GPM6A: variants seen among roughly 807,000 people sequenced by gnomAD.
The protein encoded by GPM6A is glycoprotein M6A.
GPM6A carries 7 observed loss-of-function variants against 32.1 expected under a neutral mutation model. The observed-to-expected ratio is 0.22, with a 90% CI of 0.12 to 0.41. GPM6A has a LOEUF of 0.41. Among genes scored for constraint, GPM6A ranks in the 10% least tolerant of loss-of-function variants. GPM6A has a pLI of 1.00. For synonymous variants in GPM6A, 130 were observed against 123.4 expected (o/e 1.05, Z -0.35); for missense variants, 235 against 347.2 (o/e 0.68, Z 2.57).
rs896643525 is a variant in GPM6A, at chr4:175,771,441, ACT to A, written c.37+40748_37+40749del. ...ACAAAAATTAGCCAGGCATGGTGGCACTCGCCTGTGTCCCAGCTACTGAGGAG... is the reference window on the plus strand; with the variant it reads ...ACAAAAATTAGCCAGGCATGGTGGCACGCCTGTGTCCCAGCTACTGAGGAG... On this transcript the variant is annotated intron_variant, in intron 1 of 6. Coordinates refer to ENST00000393658, the MANE Select transcript of GPM6A (RefSeq NM_201591.3). 4.5e-4 allele frequency among the ~76,000 whole-genome samples: 67 copies of A among 150,458 alleles called. 1 individual carries two copies. The highest frequency in any genetic ancestry group is 1.6e-3 in the African/African-American group (65 of 40,776).
rs552872534 is a variant in GPM6A, at chr4:175,730,192, T to G, written c.38-28425A>C. Among the ~76,000 whole-genome samples, 8 of 152,212 alleles carry G rather than the reference T, an allele frequency of 5.3e-5. No individual in the cohort carries two copies. The South Asian group carries it at 1.4e-3, about 28-fold the overall frequency. ...TTATTTCTCTTCGTAGCCAAACTGC[T>G]TCTAATTGCTGCTTGCATTTTTACA... On this transcript the variant is annotated intron_variant, in intron 1 of 6. Coordinates refer to ENST00000393658, the MANE Select transcript of GPM6A (RefSeq NM_201591.3).
At chr4:175,874,584 T>C (rs1157359773) in intron 1 of GPM6A, among the ~76,000 whole-genome samples, 2 of 152,096 alleles carry the variant, frequency 1.3e-5, no homozygotes, top group Non-Finnish European at 2.9e-5. Context: ...AGACATTTAA[T>C]GGTACCTTAA....
At chr4:176,001,515 C>G (rs1477958341) in intron 1 of GPM6A, among the ~76,000 whole-genome samples, 2 of 152,186 alleles carry the variant, frequency 1.3e-5, no homozygotes, top group Non-Finnish European at 2.9e-5. Flanking sequence ...TCTTCCTCCC[C>G]TCCGCCACAC....
At chr4:175,908,801 A>T (rs991333881) in intron 1 of GPM6A, among the ~76,000 whole-genome samples, 1 of 152,122 alleles carries the variant, frequency 6.6e-6, no homozygotes, top group African/African-American at 2.4e-5. Context: ...CAATTCAAAT[A>T]AATTTGTTAT....
At chr4:175,957,266 A>G (rs990936288) in intron 1 of GPM6A, among the ~76,000 whole-genome samples, 3 of 152,218 alleles carry the variant, frequency 2.0e-5, no homozygotes, top group Non-Finnish European at 4.4e-5. Flanking sequence ...CTGAACAAAA[A>G]TTCTGTGCTT....
chr4:175,819,885 C>T (rs1452745403), intron 1 of GPM6A, among the ~76,000 whole-genome samples: 2 of 147,586 alleles, frequency 1.4e-5, no homozygotes, highest in African/African-American at 5.3e-5. Context: ...GAGAGACACA[C>T]AAAAAAGTTG....
At chr4:175,999,191 TATAC>T (rs2126474114) in intron 1 of GPM6A, among the ~76,000 whole-genome samples, 1 of 152,370 alleles carries the variant, frequency 6.6e-6, no homozygotes, top group African/African-American at 2.4e-5. Flanking sequence ...CTCATAGTGA[TATAC>T]ATGTAGTCAA....
At chr4:175,828,561 C>T (rs1249876176) in intron 1 of GPM6A, among the ~76,000 whole-genome samples, 3 of 152,126 alleles carry the variant, frequency 2.0e-5, no homozygotes, top group South Asian at 2.1e-4. Context: ...ATTACAAATG[C>T]TCTTTAATCC....
At chr4:175,975,488 T>C (rs1379346029) in intron 1 of GPM6A, among the ~76,000 whole-genome samples, 2 of 152,194 alleles carry the variant, frequency 1.3e-5, no homozygotes, top group South Asian at 4.1e-4. Flanking sequence ...ATCTGGAACA[T>C]AGTAGGTATA....
intron 1 of GPM6A, among the ~76,000 whole-genome samples, chr4:175,997,654 G>C (rs1741349885): frequency 6.6e-6 from 1 of 151,688 alleles, no homozygotes; most frequent in Admixed American, 6.6e-5. Context: ...GTTCATAACT[G>C]TCTCGAGGGT....
chr4:175,765,457 T>C (rs79233032), intron 1 of GPM6A, among the ~76,000 whole-genome samples: 2,987 of 152,344 alleles, frequency 0.02, 48 homozygotes, highest in Non-Finnish European at 0.028. Context: ...TATGTGGATA[T>C]GACCTGTAAA....
At chr4:175,769,557 A>C (rs1733108007) in intron 1 of GPM6A, among the ~76,000 whole-genome samples, 1 of 144,440 alleles carries the variant, frequency 6.9e-6, no homozygotes, top group South Asian at 2.2e-4. Context: ...TCACTGATCC[A>C]AACACCCCCG....
At chr4:175,729,551 TA>T in intron 1 of GPM6A, among the ~76,000 whole-genome samples, 1 of 151,992 alleles carries the variant, frequency 6.6e-6, no homozygotes, top group Non-Finnish European at 1.5e-5. Flanking sequence ...ATGACTACAG[TA>T]AAAAATAATT....
chr4:175,685,916 AGT>A (rs56903622), intron 2 of GPM6A, among the ~76,000 whole-genome samples: 2,011 of 148,908 alleles, frequency 0.014, 41 homozygotes, highest in African/African-American at 0.043. Flanking sequence ...GATCATTAAA[AGT>A]GTGTGTGTGT....
At chr4:175,790,869 T>C (rs986997909) in intron 1 of GPM6A, among the ~76,000 whole-genome samples, 2 of 152,234 alleles carry the variant, frequency 1.3e-5, no homozygotes, top group African/African-American at 4.8e-5. Flanking sequence ...ATGTTAGCAC[T>C]AGGTTGAAAC....
At chr4:175,978,899 G>A (rs559694809) in intron 1 of GPM6A, among the ~76,000 whole-genome samples, 3 of 151,372 alleles carry the variant, frequency 2.0e-5, no homozygotes, top group East Asian at 3.9e-4. Context: ...AGTAAAGGTG[G>A]TATCTTTGCA....
At chr4:175,725,559 T>C (rs1299584252) in intron 1 of GPM6A, among the ~76,000 whole-genome samples, 5 of 152,182 alleles carry the variant, frequency 3.3e-5, no homozygotes, top group Non-Finnish European at 7.4e-5. Flanking sequence ...CCCAAAGTGC[T>C]GAGATTACAG....
At chr4:175,771,338 C>T (rs1417936668) in intron 1 of GPM6A, among the ~76,000 whole-genome samples, 1 of 152,110 alleles carries the variant, frequency 6.6e-6, no homozygotes, top group East Asian at 1.9e-4. Flanking sequence ...TTTTGGGAGG[C>T]CGAGACAGGG....
intron 3 of GPM6A, among the ~76,000 whole-genome samples, chr4:175,658,262 A>G (rs1412503117): frequency 1.3e-5 from 2 of 151,960 alleles, no homozygotes; most frequent in South Asian, 2.1e-4. Flanking sequence ...CTATCAAGCT[A>G]TGAAAAGACA....
Sources: allele counts gnomAD v4.1 joint callset (sites outside exome capture counted in the v4.1 genomes callset), GRCh38; gene constraint gnomAD v4.1.1; transcripts MANE v1.5; gene names NCBI Gene and HGNC (gene_info 2026-07-23, HGNC 2026-07-21).